PLXDC1: variants seen among roughly 807,000 people sequenced by gnomAD.
PLXDC1 encodes the protein plexin domain-containing protein 1.
Under a neutral mutation model 61.3 loss-of-function variants are expected in PLXDC1, and 39 were observed. That is an observed-to-expected ratio of 0.64 (90% CI 0.49 to 0.83). The LOEUF is 0.83. Among genes scored for constraint, PLXDC1 ranks in the 40% least tolerant of loss-of-function variants. The pLI is 0.00. For synonymous variants in PLXDC1, 212 were observed against 254.5 expected (o/e 0.83, Z 1.59); for missense variants, 596 against 666.5 (o/e 0.89, Z 1.17).
intron 7 of PLXDC1, among the ~76,000 whole-genome samples, chr17:39,093,539 A>C (rs1241391230): frequency 6.6e-6 from 1 of 152,036 alleles, no homozygotes; most frequent in Non-Finnish European, 1.5e-5. Flanking sequence ...CAACATGGTG[A>C]AACCTCATCT....
chr17:39,118,192 G>GTCTCTCTCTCTTTTCTTTTCTTCTTTTT, intron 2 of PLXDC1, among the ~76,000 whole-genome samples: 1 of 148,356 alleles, frequency 6.7e-6, no homozygotes, highest in South Asian at 2.1e-4. Context: ...CTGTCTGTCT[G>GTCTCTCTCTCTTTTCTTTTCTTCTTTTT]TCTCTCTCTC....
At chr17:39,079,310 A>G in intron 9 of PLXDC1, 146 bp from the exon 10 acceptor site, 1 of 684,714 alleles carries the variant, frequency 1.5e-6, no homozygotes. Flanking sequence ...CATTCCCTCT[A>G]CTTCCCCGGA....
Position 39,151,394 on chromosome 17 carries a change from G to T in PLXDC1, c.44C>A (p.Ala15Asp). 1 of 1,294,974 alleles carries T rather than the reference G, an allele frequency of 7.7e-7. No homozygotes were observed. The highest frequency in any genetic ancestry group is 2.3e-5 in the South Asian group (1 of 43,450). 80.2% of individuals were successfully genotyped at this position (1,294,974 alleles called of 1,614,324 possible). Residue 15 changes from alanine (A) to aspartate (D), a missense_variant, in exon 1 of 14, where the codon GCT becomes GAT. Coordinates refer to ENST00000315392, the MANE Select transcript of PLXDC1 (RefSeq NM_020405.5). The surrounding 1 kb of genome is among the most constrained non-coding windows in gnomAD (Gnocchi z 5.2). Reference protein sequence around the residue: ...LWLLVLVLREAARALSPQPGA... With the variant: ...LWLLVLVLREDARALSPQPGA... The stretch of plus-strand genomic sequence containing the variant: ...GGGCTGGGGGCTCAGCGCCCGGGCA[G>T]CCTCCCTGAGCACCAGCACCAGGAG...
At chr17:39,124,146 T>C (rs1418712798) in intron 2 of PLXDC1, among the ~76,000 whole-genome samples, 1 of 152,202 alleles carries the variant, frequency 6.6e-6, no homozygotes, top group Non-Finnish European at 1.5e-5. Flanking sequence ...ATTCAGATTA[T>C]TGGGCCCAAC....
At chr17:39,140,800 C>A (rs1229348615) in intron 1 of PLXDC1, among the ~76,000 whole-genome samples, 1 of 152,236 alleles carries the variant, frequency 6.6e-6, no homozygotes, top group African/African-American at 2.4e-5. Context: ...GCTTCTCAAC[C>A]TCGGTACTAT....
At chr17:39,097,064 G>C (rs1292711754) in intron 7 of PLXDC1, 1 of 465,628 alleles carries the variant, frequency 2.1e-6, no homozygotes, top group Non-Finnish European at 4.5e-6. Context: ...AGGCTGTGAG[G>C]AGTCCTCCCC....
rs1909404921 is a variant in PLXDC1, at chr17:39,077,942, G to A, written c.1157C>T (p.Ser386Phe). The A allele has an allele frequency of 1.9e-6, 3 of 1,613,684 alleles. No homozygotes were observed. The highest frequency in any genetic ancestry group is 1.7e-5 in the Admixed American group (1 of 59,996). Residue 386 changes from serine (S) to phenylalanine (F), a missense_variant, in exon 11 of 14, where the codon TCC (serine) becomes TTC (phenylalanine). By Grantham distance (155) the Ser-to-Phe change is radical (BLOSUM62 -2). Transcript: ENST00000315392. The part of the protein sequence containing the change: ...YDGDLTTTSS[S>F]LFIDSLTTED... ...TGTGGTGAGGCTGTCGATGAAGAGG[G>A]AGGAGGAGGTAGTGGTGAGGTCTCC...
chr17:39,141,168 T>C, intron 1 of PLXDC1, among the ~76,000 whole-genome samples: 1 of 152,200 alleles, frequency 6.6e-6, no homozygotes, highest in Non-Finnish European at 1.5e-5. Flanking sequence ...TAGCTGGGAC[T>C]ATAGGCATGC....
chr17:39,078,163 A>G (rs1909415015), intron 10 of PLXDC1, 115 bp from the exon 11 acceptor site: 3 of 1,048,400 alleles, frequency 2.9e-6, no homozygotes, highest in Non-Finnish European at 4.1e-6. Context: ...TCCTTCCTCA[A>G]GGAAGGGGCT....
At chr17:39,084,691 G>A (rs997305271) in intron 8 of PLXDC1, among the ~76,000 whole-genome samples, 2 of 152,218 alleles carry the variant, frequency 1.3e-5, no homozygotes, top group Admixed American at 6.5e-5. Context: ...GAATTAGTAC[G>A]AATGAAGAGG....
chr17:39,117,671 G>T (rs1911022077), intron 2 of PLXDC1, among the ~76,000 whole-genome samples: 1 of 152,180 alleles, frequency 6.6e-6, no homozygotes, highest in Non-Finnish European at 1.5e-5. Flanking sequence ...GATCCCAAGG[G>T]ATCAAAGCTG....
At chr17:39,100,344 C>G (rs1226816419) in intron 7 of PLXDC1, among the ~76,000 whole-genome samples, 1 of 152,132 alleles carries the variant, frequency 6.6e-6, no homozygotes, top group East Asian at 1.9e-4. Flanking sequence ...CAAGCTCCGC[C>G]CCTCGGGTTC....
intron 7 of PLXDC1, among the ~76,000 whole-genome samples, chr17:39,089,246 C>T (rs1909863285): frequency 6.6e-6 from 1 of 152,194 alleles, no homozygotes; most frequent in Non-Finnish European, 1.5e-5. Flanking sequence ...ATGATCCTGC[C>T]TCTCTGGCCA....
intron 1 of PLXDC1, among the ~76,000 whole-genome samples, chr17:39,146,094 G>C (rs2143981038): frequency 6.8e-6 from 1 of 146,416 alleles, no homozygotes; most frequent in East Asian, 2.0e-4. Flanking sequence ...TTTTTGAGAG[G>C]GAATCTCGAT....
In PLXDC1 at chr17:39,069,725, G is replaced by C. The variant is rs930511823; in HGVS notation, c.1383+131C>G. On this transcript the variant is annotated intron_variant, in intron 13 of 13. Coordinates refer to ENST00000315392, the MANE Select transcript of PLXDC1 (RefSeq NM_020405.5). ...GCGCCAGCCATCTCGAAATGTGCCA[G>C]GATGGGGTGGATGAAGTTTTCTCAG... The C allele has an allele frequency of 4.3e-5, 30 of 700,188 alleles. No homozygotes were observed. The Admixed American group carries it at 4.4e-4, about 10-fold the overall frequency. The allele number at this position is 700,188 out of a possible 1,614,324, so 43.4% of individuals were successfully genotyped here. A position where few individuals can be genotyped will look rare whatever the true frequency, so the allele number is the denominator to read the frequency against.
At chr17:39,077,530 GTTCATACCTGCTACAGGGATGAGCCTT>G (rs2143325492) in intron 11 of PLXDC1, among the ~76,000 whole-genome samples, 1 of 152,314 alleles carries the variant, frequency 6.6e-6, no homozygotes, top group South Asian at 2.1e-4. Context: ...TATGGACTGA[GTTCATACCTGCTACAGGGATGAGCCTT>G]TTCAGGTTCT....
intron 2 of PLXDC1, among the ~76,000 whole-genome samples, chr17:39,133,968 G>A (rs574810469): frequency 6.7e-6 from 1 of 149,762 alleles, no homozygotes; most frequent in African/African-American, 2.4e-5. Flanking sequence ...GTAATACGGA[G>A]AAAAATAGGC....
At chr17:39,133,755 A>T (rs1911639985) in intron 2 of PLXDC1, among the ~76,000 whole-genome samples, 1 of 152,098 alleles carries the variant, frequency 6.6e-6, no homozygotes, top group Admixed American at 6.6e-5. Context: ...AGTAGCTAAG[A>T]CTACAGGCGT....
chr17:39,095,381 A>ACCCCCCC (rs1365217059), intron 7 of PLXDC1, among the ~76,000 whole-genome samples: 5 of 4,252 alleles, frequency 1.2e-3, no homozygotes, highest in African/African-American at 2.7e-3. Flanking sequence ...CCCCCCCCCA[A>ACCCCCCC]CCCCCCAAGC....
Sources: gnomAD v4.1 joint callset for allele counts (sites outside exome capture counted in the v4.1 genomes callset) on GRCh38, gnomAD v4.1.1 for gene constraint, Gnocchi (gnomAD v3.1) non-coding constraint, MANE v1.5 for transcripts, NCBI Gene and HGNC (gene_info 2026-07-23, HGNC 2026-07-21) for gene names.